PTPRD: variants seen among roughly 807,000 people sequenced by gnomAD.
PTPRD encodes the protein receptor-type tyrosine-protein phosphatase delta.
In PTPRD, 34 loss-of-function variants were observed where a neutral mutation model predicts 214.5. The observed-to-expected ratio is 0.16, with a 90% CI of 0.12 to 0.21. The LOEUF (loss-of-function observed/expected upper bound fraction) is 0.21, where lower values mean the gene tolerates loss of function less well. PTPRD is among the 10% of genes least tolerant of loss of function. The pLI is 1.00. For missense variants in PTPRD, 2,545 were observed against 2,398.7 expected (o/e 1.06, Z -1.27); for synonymous variants, 1,128 against 845.7 (o/e 1.33, Z -5.79).
chr9:10,547,995 A>C (rs2060518856), intron 2 of PTPRD, among the ~76,000 whole-genome samples: 1 of 152,130 alleles, frequency 6.6e-6, no homozygotes, highest in Non-Finnish European at 1.5e-5. Flanking sequence ...AATTCAGATT[A>C]ATCTGATGGG....
At chr9:9,481,371 G>C (rs188436245) in intron 8 of PTPRD, among the ~76,000 whole-genome samples, 2 of 152,166 alleles carry the variant, frequency 1.3e-5, no homozygotes, top group Admixed American at 1.3e-4. Flanking sequence ...ATGTAACACA[G>C]TGACAGGAAC....
At chr9:8,790,380 G>C (rs972757992) in intron 11 of PTPRD, among the ~76,000 whole-genome samples, 2 of 150,204 alleles carry the variant, frequency 1.3e-5, no homozygotes, top group Admixed American at 6.7e-5. Flanking sequence ...CCAATAAAGT[G>C]TTAGCCTCAG....
intron 9 of PTPRD, among the ~76,000 whole-genome samples, chr9:9,204,502 C>A (rs1031291310): frequency 6.6e-6 from 1 of 152,114 alleles, no homozygotes; most frequent in African/African-American, 2.4e-5. Flanking sequence ...TAAGCATTAC[C>A]GGGTTCTCAA....
chr9:9,988,322 TTTG>T (rs1389180026), intron 4 of PTPRD, among the ~76,000 whole-genome samples: 4 of 152,164 alleles, frequency 2.6e-5, no homozygotes, highest in Non-Finnish European at 5.9e-5. Context: ...TATTTAGTGT[TTTG>T]TTTTCTCTAT....
At chr9:8,686,123 G>C (rs1424220338) in intron 12 of PTPRD, among the ~76,000 whole-genome samples, 1 of 152,232 alleles carries the variant, frequency 6.6e-6, no homozygotes, top group Non-Finnish European at 1.5e-5. Context: ...TCTTTATCAA[G>C]TTCAGTGCAC....
chr9:9,821,715 A>T (rs895831941), intron 5 of PTPRD, among the ~76,000 whole-genome samples: 2 of 151,916 alleles, frequency 1.3e-5, no homozygotes, highest in Middle Eastern at 3.2e-3. Context: ...GAAATAGGTT[A>T]CTATTATTAT....
chr9:8,695,267 T>A (rs2097887216), intron 12 of PTPRD, among the ~76,000 whole-genome samples: 1 of 152,164 alleles, frequency 6.6e-6, no homozygotes, highest in South Asian at 2.1e-4. Context: ...GTGTATTTGC[T>A]CTAAATTTTC....
chr9:9,104,928 A>C (rs572048899), intron 10 of PTPRD, among the ~76,000 whole-genome samples: 1 of 152,296 alleles, frequency 6.6e-6, no homozygotes, highest in Non-Finnish European at 1.5e-5. Flanking sequence ...AGATAGGAAA[A>C]GATAATTGCC....
chr9:8,768,105 G>T (rs1414095949), intron 11 of PTPRD, among the ~76,000 whole-genome samples: 1 of 152,124 alleles, frequency 6.6e-6, no homozygotes, highest in Non-Finnish European at 1.5e-5. Context: ...GTCTTTAAAA[G>T]ATATTAAGTG....
rs180763583 is a variant in PTPRD, at chr9:9,565,050, A to T, written c.-237+9682T>A. ...TCTCCAATGTCCTGATAACTAACTTAATCTTACATAATCCCATAAAAAGAA... is the reference window on the plus strand; with the variant it reads ...TCTCCAATGTCCTGATAACTAACTTTATCTTACATAATCCCATAAAAAGAA... On this transcript the variant is annotated intron_variant, in intron 8 of 45. Coordinates refer to ENST00000381196, the MANE Select transcript of PTPRD (RefSeq NM_002839.4). 3.1e-3 allele frequency among the ~76,000 whole-genome samples: 464 copies of T among 151,742 alleles called. 2 individuals carry two copies. Among genetic ancestry groups the T allele is most frequent in the African/African-American group, 0.011 (440 of 41,482 alleles).
At chr9:9,796,255 C>G (rs552568865) in intron 5 of PTPRD, among the ~76,000 whole-genome samples, 1 of 152,084 alleles carries the variant, frequency 6.6e-6, no homozygotes, top group African/African-American at 2.4e-5. Context: ...TGAAGATAAA[C>G]TTGCTAATAC....
intron 5 of PTPRD, among the ~76,000 whole-genome samples, chr9:9,829,178 A>T (rs1468096357): frequency 6.6e-6 from 1 of 151,928 alleles, no homozygotes; most frequent in East Asian, 1.9e-4. Flanking sequence ...GTTAGGAAAG[A>T]TGAATTCAAA....
intron 11 of PTPRD, among the ~76,000 whole-genome samples, chr9:8,907,530 A>T (rs2098716595): frequency 1.5e-5 from 2 of 136,646 alleles, no homozygotes. Context: ...AAAAAAAAAA[A>T]AAAATATATA....
At chr9:9,076,439 C>A (rs2099751337) in intron 10 of PTPRD, among the ~76,000 whole-genome samples, 1 of 151,834 alleles carries the variant, frequency 6.6e-6, no homozygotes, top group South Asian at 2.1e-4. Flanking sequence ...GTCCCCTTTG[C>A]TCCCCTGTCT....
At position 9,705,166 on chromosome 9, in the gene PTPRD, C is replaced by T. The variant is rs564927492; in HGVS notation, c.-287+29367G>A. Among the ~76,000 whole-genome samples, 4 of 152,302 alleles carry T rather than the reference C, an allele frequency of 2.6e-5. No individual in the cohort carries two copies. The South Asian group carries it at 8.3e-4, about 32-fold the overall frequency. On this transcript the variant is annotated intron_variant, in intron 7 of 45. Coordinates refer to ENST00000381196, the MANE Select transcript of PTPRD (RefSeq NM_002839.4). ...GCTGAATCTTTGCTCAAATACAATTCAGTATATATTCATAGAATTGCATAT... is the reference window on the plus strand; with the variant it reads ...GCTGAATCTTTGCTCAAATACAATTTAGTATATATTCATAGAATTGCATAT...
intron 5 of PTPRD, among the ~76,000 whole-genome samples, chr9:9,814,247 G>A (rs1203902106): frequency 2.0e-5 from 3 of 151,058 alleles, no homozygotes; most frequent in Non-Finnish European, 4.4e-5. Context: ...AGACAAATGT[G>A]TCTCTCTTAC....
At chr9:8,995,121 A>G (rs1477282585) in intron 11 of PTPRD, among the ~76,000 whole-genome samples, 5 of 152,030 alleles carry the variant, frequency 3.3e-5, no homozygotes. Context: ...AATTTATTAG[A>G]TATATAACTG....
chr9:10,111,229 C>CTTTTTTTT lies in PTPRD; in HGVS notation c.-544-77447_-544-77440dup, dbSNP rs34045121. ...AATCTGTGTGCTTCCAGTTTAGTTT[C>CTTTTTTTT]TTTTTTTTTTTTTTTTTTTTTTTTT... is the stretch of plus-strand genomic sequence containing the variant. On this transcript the variant is annotated intron_variant, in intron 3 of 45. Coordinates refer to ENST00000381196, the MANE Select transcript of PTPRD (RefSeq NM_002839.4). Among the ~76,000 whole-genome samples the CTTTTTTTT allele has an allele frequency of 1.4e-4, 10 of 72,192 alleles. 1 individual carries two copies. The highest frequency in any genetic ancestry group is 5.1e-4 in the African/African-American group (9 of 17,516). The allele number at this position is 72,192 out of a possible 152,430, so 47.4% of individuals were successfully genotyped here.
At chr9:8,721,303 G>A (rs939720848) in intron 12 of PTPRD, among the ~76,000 whole-genome samples, 1 of 151,540 alleles carries the variant, frequency 6.6e-6, no homozygotes, top group Non-Finnish European at 1.5e-5. Flanking sequence ...GGTGGCACAT[G>A]CCTGTAATCC....
Sources: gnomAD v4.1 joint callset for allele counts (sites outside exome capture counted in the v4.1 genomes callset) on GRCh38, gnomAD v4.1.1 for gene constraint, MANE v1.5 for transcripts, NCBI Gene and HGNC (gene_info 2026-07-23, HGNC 2026-07-21) for gene names.